Variants in TYW1 observed in about 807,000 individuals in gnomAD.
TYW1 encodes tRNA-yW synthesizing protein 1 homolog, also known as S-adenosyl-L-methionine-dependent tRNA 4-demethylwyosine synthase TYW1.
A neutral mutation model predicts 96.2 loss-of-function variants in TYW1; 46 were observed. The observed-to-expected ratio is 0.48, with a 90% confidence interval of 0.38 to 0.61. The LOEUF is 0.61. Ranked by LOEUF, TYW1 falls within the 20% of genes least tolerant of loss-of-function variation. The probability of loss-of-function intolerance (pLI) is 0.00; values close to 1 mark genes in which losing one functional copy is unlikely to be tolerated. For missense variants in TYW1, 684 were observed against 909.6 expected (o/e 0.75, Z 3.19); for synonymous variants, 274 against 323.0 (o/e 0.85, Z 1.63).
chr7:67,222,866 C>CTTTTTT (rs570972265), intron 15 of TYW1, among the ~76,000 whole-genome samples: 79 of 109,518 alleles, frequency 7.2e-4, no homozygotes, highest in Admixed American at 9.6e-4. Flanking sequence ...CGCTTTTTTT[C>CTTTTTT]TTTTTTTTTT....
At chr7:67,207,957 A>G (rs1243610105) in intron 15 of TYW1, among the ~76,000 whole-genome samples, 1 of 151,974 alleles carries the variant, frequency 6.6e-6, no homozygotes. Flanking sequence ...ATGACCTCAA[A>G]TGATCCACCT....
intron 13 of TYW1, among the ~76,000 whole-genome samples, chr7:67,132,193 C>G (rs1036887287): frequency 1.3e-5 from 2 of 149,270 alleles, no homozygotes; most frequent in Non-Finnish European, 3.0e-5. Context: ...TCACCACAGC[C>G]TTGAACTCCT....
chr7:67,086,479 CAGAA>C (rs755045911), intron 11 of TYW1, among the ~76,000 whole-genome samples: 49 of 151,742 alleles, frequency 3.2e-4, no homozygotes, highest in Non-Finnish European at 5.3e-4. Context: ...GAGAGAGAGA[CAGAA>C]AGAGAGACTG....
intron 14 of TYW1, among the ~76,000 whole-genome samples, chr7:67,189,296 A>C (rs894820278): frequency 1.4e-5 from 2 of 147,752 alleles, no homozygotes; most frequent in African/African-American, 2.6e-5. Flanking sequence ...TGGTGTGTTT[A>C]TGTGTGTGGT....
intron 6 of TYW1, among the ~76,000 whole-genome samples, chr7:67,024,067 C>T (rs1245609184): frequency 6.6e-6 from 1 of 152,088 alleles, no homozygotes; most frequent in African/African-American, 2.4e-5. Context: ...GTGTCTCGTT[C>T]CCCTGAGCCC....
rs13243607 is a variant in TYW1 at position 67,037,184 on chromosome 7, A to G, written c.984+12162A>G. 3.9e-5 allele frequency among the ~76,000 whole-genome samples: 6 copies of G among 152,110 alleles called. 1 individual carries two copies. Among genetic ancestry groups the G allele is most frequent in the Admixed American group, 2.0e-4 (3 of 15,264 alleles). On this transcript the variant is annotated intron_variant, in intron 7 of 15. Transcript: ENST00000359626. ...ACACCTAATTAGCATAAAATATCAG[A>G]TGTAGTCTGAAGGGCTCACCATGAG...
At chr7:67,207,790 G>A (rs1800861328) in intron 15 of TYW1, among the ~76,000 whole-genome samples, 1 of 132,006 alleles carries the variant, frequency 7.6e-6, no homozygotes, top group Admixed American at 8.8e-5. Context: ...GCACAATCTT[G>A]GCTCACTGCA....
chr7:67,167,385 C>A (rs1235563035), intron 13 of TYW1, among the ~76,000 whole-genome samples: 1 of 143,318 alleles, frequency 7.0e-6, no homozygotes, highest in Admixed American at 7.4e-5. Flanking sequence ...AGGAGAATCG[C>A]TTGAACTTGG....
At chr7:67,155,398 C>T (rs1447904425) in intron 13 of TYW1, among the ~76,000 whole-genome samples, 1 of 152,182 alleles carries the variant, frequency 6.6e-6, no homozygotes, top group Non-Finnish European at 1.5e-5. Context: ...CTCCCACTCT[C>T]ACCAGGTGAT....
intron 11 of TYW1, among the ~76,000 whole-genome samples, chr7:67,084,250 A>G (rs1012659759): frequency 1.6e-4 from 23 of 143,020 alleles, no homozygotes; most frequent in Admixed American, 3.4e-4. Context: ...TTTTGAATGA[A>G]TTCCTTATTT....
chr7:67,053,859 T>A (rs886161611), intron 8 of TYW1, among the ~76,000 whole-genome samples: 4 of 152,242 alleles, frequency 2.6e-5, no homozygotes, highest in African/African-American at 9.6e-5. Context: ...GGAGTCTCTT[T>A]GTAGGTTTCA....
Position 67,135,128 on chromosome 7 carries a change from T to C in TYW1, c.1698+17510T>C, listed in dbSNP as rs1584603986. ...AGAGTGACACCCTGTCTAGAATGGA[T>C]GAATGAATCAATGAATACATGCATA... On this transcript the variant is annotated intron_variant, in intron 13 of 15. Transcript: ENST00000359626. Among the ~76,000 whole-genome samples the C allele has an allele frequency of 4.6e-5, 7 of 151,458 alleles. No individual in the cohort carries two copies. The South Asian group carries it at 1.5e-3, about 32-fold the overall frequency.
chr7:67,073,494 G>A (rs1273790276), intron 10 of TYW1, among the ~76,000 whole-genome samples: 2 of 152,210 alleles, frequency 1.3e-5, no homozygotes, highest in East Asian at 1.9e-4. Flanking sequence ...TGACCAGGCC[G>A]GGTGCAGTGG....
At chr7:67,222,170 C>T (rs1801412467) in intron 15 of TYW1, among the ~76,000 whole-genome samples, 1 of 152,010 alleles carries the variant, frequency 6.6e-6, no homozygotes, top group African/African-American at 2.4e-5. Context: ...ACACTCCAGT[C>T]TGGGCAACAG....
At chr7:67,072,335 C>T (rs1459792909) in intron 10 of TYW1, among the ~76,000 whole-genome samples, 1 of 151,416 alleles carries the variant, frequency 6.6e-6, no homozygotes, top group Non-Finnish European at 1.5e-5. Flanking sequence ...CAACCTCCAC[C>T]TCCTGGGTTC....
intron 6 of TYW1, among the ~76,000 whole-genome samples, chr7:67,020,945 T>G: frequency 6.6e-6 from 1 of 152,276 alleles, no homozygotes; most frequent in East Asian, 1.9e-4. Context: ...GGAGAATCGC[T>G]TGAACTTGGG....
chr7:67,219,754 G>A (rs544910669), intron 15 of TYW1, among the ~76,000 whole-genome samples: 75 of 149,834 alleles, frequency 5.0e-4, no homozygotes, highest in African/African-American at 1.5e-3. Flanking sequence ...TTGGTAATTC[G>A]AGTCTTATTT....
At chr7:67,094,084 T>A (rs1796809113) in intron 11 of TYW1, among the ~76,000 whole-genome samples, 1 of 152,096 alleles carries the variant, frequency 6.6e-6, no homozygotes, top group Non-Finnish European at 1.5e-5. Context: ...CACTTAAAAG[T>A]GAGAACGTGT....
intron 11 of TYW1, among the ~76,000 whole-genome samples, chr7:67,089,732 T>C (rs1193201660): frequency 6.6e-6 from 1 of 152,366 alleles, no homozygotes; most frequent in East Asian, 1.9e-4. Flanking sequence ...GGGCAATCAT[T>C]GTCTTTTCAG....
Sources: allele counts gnomAD v4.1 joint callset (sites outside exome capture counted in the v4.1 genomes callset), GRCh38; gene constraint gnomAD v4.1.1; transcripts MANE v1.5; gene names NCBI Gene and HGNC (gene_info 2026-07-23, HGNC 2026-07-21).